MARCHF1: variants seen among roughly 807,000 people sequenced by gnomAD.
MARCHF1 encodes E3 ubiquitin-protein ligase MARCHF1.
MARCHF1 carries 40 observed loss-of-function variants against 54.2 expected under a neutral mutation model. That is an observed-to-expected ratio of 0.74 (90% CI 0.57 to 0.96). MARCHF1 has a LOEUF of 0.96. Among genes scored for constraint, MARCHF1 ranks in the 40% least tolerant of loss-of-function variants. The probability of loss-of-function intolerance (pLI) is 0.00; values close to 1 mark genes in which losing one functional copy is unlikely to be tolerated. For missense variants in MARCHF1, 586 were observed against 656.5 expected, an observed-to-expected ratio of 0.89 and a Z score of 1.17; for synonymous variants, 236 against 236.3, an observed-to-expected ratio of 1.00 and a Z score of 0.01.
intron 2 of MARCHF1, among the ~76,000 whole-genome samples, chr4:164,014,671 A>G (rs1753499160): frequency 6.6e-6 from 1 of 152,212 alleles, no homozygotes; most frequent in Non-Finnish European, 1.5e-5. Context: ...AAAAACACAT[A>G]TAGATTGAAA....
chr4:163,773,704 G>C (rs1464265946), intron 4 of MARCHF1, among the ~76,000 whole-genome samples: 1 of 152,180 alleles, frequency 6.6e-6, no homozygotes, highest in Non-Finnish European at 1.5e-5. Context: ...AGGGACAACA[G>C]CCTCAAGGGG....
At chr4:163,740,283 A>G (rs899628626) in intron 4 of MARCHF1, among the ~76,000 whole-genome samples, 1 of 152,176 alleles carries the variant, frequency 6.6e-6, no homozygotes, top group Non-Finnish European at 1.5e-5. Context: ...TAGTCCCAGT[A>G]CCGGTCCTAG....
chr4:164,238,789 G>C (rs960528687), intron 1 of MARCHF1, among the ~76,000 whole-genome samples: 2 of 151,746 alleles, frequency 1.3e-5, no homozygotes, highest in African/African-American at 2.4e-5. Context: ...TATTTTTCTT[G>C]TTAAATAGAT....
chr4:164,127,627 G>A (rs1464355539), intron 1 of MARCHF1, among the ~76,000 whole-genome samples: 1 of 152,116 alleles, frequency 6.6e-6, no homozygotes, highest in East Asian at 1.9e-4. Context: ...GATATATCAT[G>A]AGAGGGAATA....
chr4:164,063,787 T>C (rs971994882), intron 2 of MARCHF1, among the ~76,000 whole-genome samples: 7 of 152,226 alleles, frequency 4.6e-5, no homozygotes, highest in South Asian at 2.1e-4. Context: ...TTATAGCAAA[T>C]ATTTTTTCAA....
At chr4:163,867,742 A>G (rs1750084073) in intron 3 of MARCHF1, among the ~76,000 whole-genome samples, 1 of 151,628 alleles carries the variant, frequency 6.6e-6, no homozygotes, top group Admixed American at 6.6e-5. Context: ...TTAAAATATC[A>G]CAATTTAATT....
chr4:163,646,643 T>C (rs1360267847), intron 5 of MARCHF1, among the ~76,000 whole-genome samples: 1 of 152,106 alleles, frequency 6.6e-6, no homozygotes, highest in African/African-American at 2.4e-5. Flanking sequence ...AATATTTGTA[T>C]GCGGGGAGTA....
chr4:164,382,819 C>T (rs907528086), intron 1 of MARCHF1, among the ~76,000 whole-genome samples: 3 of 152,152 alleles, frequency 2.0e-5, no homozygotes, highest in African/African-American at 7.2e-5. Flanking sequence ...AACTAAGGTA[C>T]CTGAGCAGGT....
intron 3 of MARCHF1, among the ~76,000 whole-genome samples, chr4:163,877,139 A>T (rs1750306901): frequency 6.6e-6 from 1 of 152,178 alleles, no homozygotes; most frequent in Admixed American, 6.5e-5. Flanking sequence ...TGTACTGCAT[A>T]AATGATAATG....
intron 2 of MARCHF1, among the ~76,000 whole-genome samples, chr4:164,030,363 ATTC>A (rs1320068840): frequency 6.6e-6 from 1 of 152,176 alleles, no homozygotes; most frequent in Non-Finnish European, 1.5e-5. Flanking sequence ...CATTTTTAAT[ATTC>A]TTCTTAAAAA....
chr4:164,265,990 A>G (rs1733601473), intron 1 of MARCHF1, among the ~76,000 whole-genome samples: 1 of 152,202 alleles, frequency 6.6e-6, no homozygotes, highest in Non-Finnish European at 1.5e-5. Flanking sequence ...TTTTCACTAT[A>G]AGACTGTAAT....
In MARCHF1 at chr4:163,854,030, G is replaced by A; in HGVS notation, c.102C>T (p.Thr34=). ...ISGDLADASQ[T]STLNEKSPGR... The stretch of plus-strand genomic sequence containing the variant: ...GTAACTTTCCACTCACCAATGTGGA[G>A]GTTTGTGAGGCGTCAGCCAAATCCC... The change falls in exon 4 of 10, where the codon ACC becomes ACT. Residue 34 remains threonine, a synonymous_variant. Coordinates refer to ENST00000514618, the MANE Select transcript of MARCHF1 (RefSeq NM_001394959.1). 6.5e-7 allele frequency: 1 copy of A among 1,536,714 alleles called. No homozygotes were observed. Among genetic ancestry groups the A allele is most frequent in the Non-Finnish European group, 8.7e-7 (1 of 1,146,634 alleles).
intron 4 of MARCHF1, among the ~76,000 whole-genome samples, chr4:163,734,101 G>A (rs1024913635): frequency 6.6e-6 from 1 of 152,116 alleles, no homozygotes; most frequent in Non-Finnish European, 1.5e-5. Flanking sequence ...AATCCACAGT[G>A]AGATACCACT....
At chr4:163,891,533 C>G (rs758205620) in intron 3 of MARCHF1, among the ~76,000 whole-genome samples, 1 of 151,750 alleles carries the variant, frequency 6.6e-6, no homozygotes, top group Non-Finnish European at 1.5e-5. Flanking sequence ...TGAACTCTCT[C>G]AACTCACCGA....
chr4:164,094,286 G>A (rs1755363671), intron 2 of MARCHF1, among the ~76,000 whole-genome samples: 2 of 152,140 alleles, frequency 1.3e-5, no homozygotes, highest in African/African-American at 2.4e-5. Context: ...CCTGCCATGG[G>A]CCCAGGTTAG....
At chr4:164,312,212 T>A (rs1342325866) in intron 1 of MARCHF1, among the ~76,000 whole-genome samples, 1 of 151,892 alleles carries the variant, frequency 6.6e-6, no homozygotes, top group Non-Finnish European at 1.5e-5. Flanking sequence ...AGAAGCTTCA[T>A]GACAATGAAT....
chr4:163,963,565 T>C (rs1339408619), intron 3 of MARCHF1, among the ~76,000 whole-genome samples: 2 of 151,954 alleles, frequency 1.3e-5, no homozygotes, highest in African/African-American at 4.8e-5. Context: ...GTGTAATAGC[T>C]AGTCGTCAAA....
intron 1 of MARCHF1, among the ~76,000 whole-genome samples, chr4:164,280,045 C>A (rs1195367510): frequency 6.6e-6 from 1 of 151,466 alleles, no homozygotes; most frequent in East Asian, 1.9e-4. Context: ...ATATTTTTTT[C>A]AATATGTGGC....
chr4:163,630,248 C>A (rs12643093), intron 5 of MARCHF1, among the ~76,000 whole-genome samples: 60,890 of 151,122 alleles, frequency 0.4, 13,071 homozygotes, highest in East Asian at 0.6. Flanking sequence ...ATAAAATACT[C>A]CTCAGCAATA....
Sources: allele counts gnomAD v4.1 joint callset (sites outside exome capture counted in the v4.1 genomes callset), GRCh38; gene constraint gnomAD v4.1.1; transcripts MANE v1.5; gene names NCBI Gene and HGNC (gene_info 2026-07-23, HGNC 2026-07-21).